The following TMTC4 variants were observed in gnomAD, a reference collection of about 807,000 sequenced individuals.
TMTC4 encodes the protein protein O-mannosyl-transferase TMTC4.
In TMTC4, 65 loss-of-function variants were observed where a neutral mutation model predicts 86.0. The ratio of observed to expected loss-of-function variants is 0.76; its 90% confidence interval spans 0.62 to 0.93. The LOEUF (loss-of-function observed/expected upper bound fraction) is 0.93, where lower values mean the gene tolerates loss of function less well. Ranked by LOEUF, TMTC4 falls within the 40% of genes least tolerant of loss-of-function variation. The probability of loss-of-function intolerance (pLI) is 0.00; values close to 1 mark genes in which losing one functional copy is unlikely to be tolerated. For missense variants in TMTC4, 866 were observed against 948.1 expected (o/e 0.91, Z 1.14); for synonymous variants, 379 against 382.5 (o/e 0.99, Z 0.11).
chr13:100,607,263 T>TC (rs1876778212), intron 17 of TMTC4, among the ~76,000 whole-genome samples: 1 of 152,186 alleles, frequency 6.6e-6, no homozygotes, highest in South Asian at 2.1e-4. Context: ...ATGCCTGTAA[T>TC]CCCAACACTT....
intron 6 of TMTC4, among the ~76,000 whole-genome samples, chr13:100,646,304 C>A (rs1043229028): frequency 6.6e-6 from 1 of 152,162 alleles, no homozygotes; most frequent in Non-Finnish European, 1.5e-5. Context: ...GCTGGAAGGG[C>A]AGTATATGTT....
chr13:100,620,040 T>TA (rs1274198303), intron 15 of TMTC4, among the ~76,000 whole-genome samples: 7 of 152,192 alleles, frequency 4.6e-5, no homozygotes, highest in Non-Finnish European at 1.0e-4. Flanking sequence ...CTACTCATCT[T>TA]ACAGCATCTA....
Position 100,670,516 on chromosome 13 carries a change from G to A in TMTC4, c.-154C>T, listed in dbSNP as rs570369756. The stretch of plus-strand genomic sequence containing the variant: ...CAGCAAGTGCTGGGGGAATACTGCA[G>A]CTACTTTTCTTTTCCAGTCAAAGGA... On this transcript the variant is annotated 5_prime_UTR_variant, in exon 2 of 19. Transcript: ENST00000342624. 37 of 639,682 alleles carry A rather than the reference G, an allele frequency of 5.8e-5. No individual in the cohort carries two copies. The South Asian group carries it at 8.9e-4, about 15-fold the overall frequency. 39.6% of individuals were successfully genotyped at this position (639,682 alleles called of 1,614,324 possible).
intron 1 of TMTC4, chr13:100,674,480 C>A (rs1260181963): frequency 2.3e-6 from 2 of 854,142 alleles, no homozygotes; most frequent in African/African-American, 1.8e-5. Context: ...GCTCAGGGGC[C>A]CGAGCGCGGC....
chr13:100,618,696 C>G lies in TMTC4; in HGVS notation c.1837-4266G>C, dbSNP rs565153937. On this transcript the variant is annotated intron_variant, in intron 15 of 18. Coordinates refer to ENST00000342624, the MANE Select transcript of TMTC4 (RefSeq NM_032813.5). ...ATTAGGGAGTGGTGATGATTCTTAA[C>G]GAGCATGCTGCCTTCAAACATCTGT... Among the ~76,000 whole-genome samples the G allele has an allele frequency of 1.3e-4, 20 of 152,160 alleles. No homozygotes were observed. The South Asian group carries it at 3.5e-3, about 27-fold the overall frequency.
At chr13:100,646,794 C>A (rs1883810475) in intron 6 of TMTC4, among the ~76,000 whole-genome samples, 1 of 152,110 alleles carries the variant, frequency 6.6e-6, no homozygotes, top group African/African-American at 2.4e-5. Context: ...CAAAAGATCA[C>A]AATAAGGAGC....
intron 5 of TMTC4, among the ~76,000 whole-genome samples, chr13:100,659,844 C>T (rs901724398): frequency 2.7e-5 from 4 of 148,790 alleles, no homozygotes; most frequent in African/African-American, 7.5e-5. Context: ...CCCATTTGCC[C>T]GGCTGTCGTT....
chr13:100,637,448 CAG>C (rs1882393965), intron 9 of TMTC4, 88 bp downstream of exon 9: 3 of 1,492,818 alleles, frequency 2.0e-6, no homozygotes, highest in Non-Finnish European at 2.7e-6. Context: ...TGTTGGCGTG[CAG>C]AGGAGTGAGA....
At chr13:100,628,869 C>A (rs1880932098) in intron 12 of TMTC4, among the ~76,000 whole-genome samples, 1 of 152,174 alleles carries the variant, frequency 6.6e-6, no homozygotes, top group Non-Finnish European at 1.5e-5. Flanking sequence ...AATTTGTTGG[C>A]CGGGCGCAGT....
chr13:100,624,359 A>AAT (rs1413408647), intron 15 of TMTC4: 2 of 151,072 alleles, frequency 1.3e-5, no homozygotes, highest in South Asian at 2.1e-4. Flanking sequence ...AAAAATAAAA[A>AAT]AAAAATAAAA....
chr13:100,653,497 T>A (rs1033140774), intron 6 of TMTC4, among the ~76,000 whole-genome samples: 1 of 152,028 alleles, frequency 6.6e-6, no homozygotes, highest in Non-Finnish European at 1.5e-5. Flanking sequence ...GGTCTCAGGG[T>A]ACAGCACCTT....
chr13:100,674,567 C>T, intron 1 of TMTC4, 177 bp downstream of exon 1: 3 of 982,528 alleles, frequency 3.1e-6, no homozygotes, highest in Non-Finnish European at 3.6e-6. Context: ...CCCCCGTGAC[C>T]CCGGCCCGGG....
At chr13:100,657,007 A>G (rs1196225289) in intron 5 of TMTC4, among the ~76,000 whole-genome samples, 2 of 152,168 alleles carry the variant, frequency 1.3e-5, no homozygotes, top group Non-Finnish European at 2.9e-5. Flanking sequence ...TCAAGAGAAC[A>G]CTGGATTGGT....
At chr13:100,623,398 A>G (rs1309475978) in intron 15 of TMTC4, among the ~76,000 whole-genome samples, 2 of 152,068 alleles carry the variant, frequency 1.3e-5, no homozygotes, top group African/African-American at 4.8e-5. Flanking sequence ...ATGTCTGGCT[A>G]TTTTTTGTAT....
rs184855792 is a variant in TMTC4, at chr13:100,656,427, C to T, written c.594G>A (p.Leu198=). The change falls in exon 6 of 19, where the codon CTG becomes CTA. Residue 198 remains leucine (L), a synonymous_variant. Transcript: ENST00000342624. ...AGCCAAGGAAAGATAACAAGAAGAA[C>T]AGGGCACACAGGAGGTCTGCACGGC... The part of the protein sequence containing the change: ...VVGRADLLCA[L]FFLLSFLGYC... The T allele has an allele frequency of 3.1e-6, 5 of 1,613,010 alleles. No homozygotes were observed. In the South Asian group the frequency reaches 3.3e-5, roughly 11 times the overall value.
Position 100,664,935 on chromosome 13 carries a change from A to G in TMTC4, c.220-599T>C, listed in dbSNP as rs1886226636. Reference sequence around the variant, plus strand: ...TACGTGTCAAATAAGTGGACCACACAGCTAAATAAGATCACTATTAACCTC... The same window carrying G: ...TACGTGTCAAATAAGTGGACCACACGGCTAAATAAGATCACTATTAACCTC... On this transcript the variant is annotated intron_variant, in intron 3 of 18. Coordinates refer to ENST00000342624, the MANE Select transcript of TMTC4 (RefSeq NM_032813.5). Among the ~76,000 whole-genome samples, 2 of 152,382 alleles carry G rather than the reference A, an allele frequency of 1.3e-5. 1 individual carries two copies. The highest frequency in any genetic ancestry group is 4.1e-4 in the South Asian group (2 of 4,832).
intron 6 of TMTC4, among the ~76,000 whole-genome samples, chr13:100,645,619 C>T (rs923220560): frequency 1.3e-5 from 2 of 150,960 alleles, no homozygotes; most frequent in African/African-American, 2.4e-5. Flanking sequence ...CCCCGTGCAC[C>T]GCTCCAAGTC....
chr13:100,651,387 G>GT (rs1211226042), intron 6 of TMTC4, among the ~76,000 whole-genome samples: 1 of 148,210 alleles, frequency 6.7e-6, no homozygotes, highest in Non-Finnish European at 1.5e-5. Flanking sequence ...TCTCACTAGT[G>GT]TTTTTTGTTT....
At position 100,637,936 on chromosome 13, in the gene TMTC4, T is replaced by C. The variant is rs1882489548; in HGVS notation, c.828A>G (p.Ser276=). ...GATAAAAGTACAGACTCACCTCTAA[T>C]GACTTGTCCTTATGTAGTACCTTCT... ...IVQKVLHKDK[S]LENLGMLRNG... is the part of the protein sequence containing the mutation. The change falls in exon 8 of 19, where the codon TCA becomes TCG. Residue 276 remains serine (S), a synonymous_variant. Coordinates refer to ENST00000342624, the MANE Select transcript of TMTC4 (RefSeq NM_032813.5). 2 of 1,612,036 alleles carry C rather than the reference T, an allele frequency of 1.2e-6. No individual in the cohort carries two copies. Among genetic ancestry groups the C allele is most frequent in the African/African-American group, 1.3e-5 (1 of 74,890 alleles).
Sources: gnomAD v4.1 joint callset for allele counts (sites outside exome capture counted in the v4.1 genomes callset) on GRCh38, gnomAD v4.1.1 for gene constraint, MANE v1.5 for transcripts, NCBI Gene and HGNC (gene_info 2026-07-23, HGNC 2026-07-21) for gene names.